NEDD4L: variants seen among roughly 807,000 people sequenced by gnomAD.
NEDD4L encodes E3 ubiquitin-protein ligase NEDD4-like.
A neutral mutation model predicts 148.9 loss-of-function variants in NEDD4L; 54 were observed. The observed-to-expected ratio is 0.36, with a 90% CI of 0.29 to 0.45. The LOEUF (loss-of-function observed/expected upper bound fraction) is 0.45. Among genes scored for constraint, NEDD4L ranks in the 20% least tolerant of loss-of-function variants. NEDD4L has a pLI of 1.00. For synonymous variants in NEDD4L, 433 were observed against 440.7 expected (o/e 0.98, Z 0.22); for missense variants, 856 against 1,233.8 (o/e 0.69, Z 4.59).
intron 1 of NEDD4L, among the ~76,000 whole-genome samples, chr18:58,088,230 A>G (rs1449297852): frequency 6.6e-6 from 1 of 152,076 alleles, no homozygotes; most frequent in Non-Finnish European, 1.5e-5. Flanking sequence ...CAGAAGTAAC[A>G]CTCTGTCATT....
At chr18:58,090,605 A>C (rs771646133) in intron 1 of NEDD4L, among the ~76,000 whole-genome samples, 2 of 152,030 alleles carry the variant, frequency 1.3e-5, no homozygotes, top group Admixed American at 6.6e-5. Flanking sequence ...AGCCTCCCAA[A>C]TAGCTGGGAC....
At chr18:58,393,401 A>G (rs1488237441) in intron 30 of NEDD4L, among the ~76,000 whole-genome samples, 1 of 152,232 alleles carries the variant, frequency 6.6e-6, no homozygotes, top group African/African-American at 2.4e-5. Context: ...TGATTTTTAT[A>G]GGCTGGCAGG....
chr18:58,111,602 G>A (rs899868600), intron 1 of NEDD4L, among the ~76,000 whole-genome samples: 2 of 152,122 alleles, frequency 1.3e-5, no homozygotes, highest in Non-Finnish European at 2.9e-5. Flanking sequence ...GTTATAGCAG[G>A]TATCAGCACT....
At chr18:58,248,811 T>C (rs2148464884) in intron 3 of NEDD4L, 88 bp from the exon 4 acceptor site, 1 of 686,250 alleles carries the variant, frequency 1.5e-6, no homozygotes, top group Non-Finnish European at 2.5e-6. Context: ...ATCAAAAAAA[T>C]GTTTAAGCAA....
At chr18:58,327,853 A>G (rs1017747249) in intron 9 of NEDD4L, among the ~76,000 whole-genome samples, 1 of 151,992 alleles carries the variant, frequency 6.6e-6, no homozygotes, top group African/African-American at 2.4e-5. Flanking sequence ...CCCTGAAAAA[A>G]TTTTTGGCAT....
chr18:58,383,345 T>G, intron 25 of NEDD4L, 26 bp downstream of exon 25: 4 of 1,246,076 alleles, frequency 3.2e-6, no homozygotes, highest in Non-Finnish European at 4.6e-6. Flanking sequence ...TTTACTGCCT[T>G]TTCTTTGAAT....
chr18:58,345,355 A>C (rs1257790748), intron 16 of NEDD4L, among the ~76,000 whole-genome samples: 2 of 152,270 alleles, frequency 1.3e-5, no homozygotes, highest in Non-Finnish European at 2.9e-5. Context: ...GGAGGGAAGC[A>C]TGAAGATAAT....
chr18:58,149,545 C>G, intron 1 of NEDD4L: 1 of 1,550,398 alleles, frequency 6.4e-7, no homozygotes, highest in South Asian at 1.2e-5. Flanking sequence ...AATGAGACGT[C>G]TCGCATTTGA....
Position 58,342,988 on chromosome 18 carries a change from C to A in NEDD4L, c.1460C>A (p.Ser487Tyr). The change falls in exon 16 of 31, where the codon TCC becomes TAC. Residue 487 changes from serine to tyrosine, a missense_variant. This residue lies in a region of NEDD4L where 367 missense variants were observed against 422.7 expected (regional missense o/e 0.87). Transcript: ENST00000400345. Reference sequence around the variant, plus strand: ...TCCCCACAGCCATCACCTTACAACTCCCCCAAACCACAACACAAAGTCACA... The same window carrying A: ...TCCCCACAGCCATCACCTTACAACTACCCCAAACCACAACACAAAGTCACA... ...PQSPQPSPYN[S>Y]PKPQHKVTQS... The A allele has an allele frequency of 6.2e-7, 1 of 1,613,904 alleles. No individual in the cohort carries two copies. The highest frequency in any genetic ancestry group is 8.5e-7 in the Non-Finnish European group (1 of 1,179,844).
At chr18:58,225,624 A>G (rs1224171767) in intron 2 of NEDD4L, among the ~76,000 whole-genome samples, 2 of 152,272 alleles carry the variant, frequency 1.3e-5, no homozygotes, top group Middle Eastern at 3.4e-3. Flanking sequence ...CTTAAGGTGA[A>G]ATTCATTTAT....
At chr18:58,228,604 T>A (rs1568429983) in intron 2 of NEDD4L, among the ~76,000 whole-genome samples, 1 of 152,214 alleles carries the variant, frequency 6.6e-6, no homozygotes. Flanking sequence ...GTTGGGACTT[T>A]CCGTGAATTT....
intron 5 of NEDD4L, among the ~76,000 whole-genome samples, chr18:58,292,328 A>T (rs2054881689): frequency 6.6e-6 from 1 of 152,030 alleles, no homozygotes; most frequent in African/African-American, 2.4e-5. Flanking sequence ...AGATGTCTCG[A>T]GGTGCTCCCC....
chr18:58,269,938 A>G (rs762013004), intron 5 of NEDD4L, among the ~76,000 whole-genome samples: 1 of 152,236 alleles, frequency 6.6e-6, no homozygotes, highest in Non-Finnish European at 1.5e-5. Flanking sequence ...GTCCAGTTGA[A>G]TATTTGCAAA....
At chr18:58,060,781 G>A (rs938247007) in intron 1 of NEDD4L, among the ~76,000 whole-genome samples, 1 of 151,670 alleles carries the variant, frequency 6.6e-6, no homozygotes, top group African/African-American at 2.4e-5. Context: ...TTTTTGAGAC[G>A]GAGTTTTGCT....
chr18:58,145,917 T>C (rs1775383953), intron 1 of NEDD4L, among the ~76,000 whole-genome samples: 1 of 152,180 alleles, frequency 6.6e-6, no homozygotes, highest in Non-Finnish European at 1.5e-5. Context: ...AATTGGCATT[T>C]ATTAGTGAGC....
At chr18:58,078,154 A>G (rs527599480) in intron 1 of NEDD4L, among the ~76,000 whole-genome samples, 18 of 152,142 alleles carry the variant, frequency 1.2e-4, no homozygotes, top group African/African-American at 4.3e-4. Context: ...TTTAGAGACA[A>G]TCTCATCACT....
Position 58,140,282 on chromosome 18 carries a change from A to G in NEDD4L, c.49-25506A>G, listed in dbSNP as rs537268414. Among the ~76,000 whole-genome samples the G allele has an allele frequency of 2.2e-3, 330 of 152,274 alleles. 2 individuals are homozygous for G. The highest frequency in any genetic ancestry group is 7.2e-3 in the African/African-American group (299 of 41,538). ...GAAATGCTCAAGCCTCCACCTATGA[A>G]TTTGCCCGGTGATTAAAATCATACT... On this transcript the variant is annotated intron_variant, in intron 1 of 30. Coordinates refer to ENST00000400345, the MANE Select transcript of NEDD4L (RefSeq NM_001144967.3).
intron 1 of NEDD4L, among the ~76,000 whole-genome samples, chr18:58,125,854 C>T (rs946290059): frequency 3.9e-5 from 6 of 152,226 alleles, no homozygotes; most frequent in Admixed American, 6.5e-5. Flanking sequence ...GGAAGTTTGA[C>T]CTACCACCTC....
At chr18:58,144,489 C>T (rs765837073) in intron 1 of NEDD4L, among the ~76,000 whole-genome samples, 42 of 152,082 alleles carry the variant, frequency 2.8e-4, no homozygotes, top group Non-Finnish European at 1.9e-4. Flanking sequence ...CCTCCAACAC[C>T]GGGGATTATT....
Sources: allele counts gnomAD v4.1 joint callset (sites outside exome capture counted in the v4.1 genomes callset), GRCh38; gene constraint gnomAD v4.1.1; regional missense constraint gnomAD v4.1.1; transcripts MANE v1.5; gene names NCBI Gene and HGNC (gene_info 2026-07-23, HGNC 2026-07-21).